FRMD3: variants seen among roughly 807,000 people sequenced by gnomAD.
FRMD3 encodes FERM domain-containing protein 3.
In FRMD3, 33 loss-of-function variants were observed where a neutral mutation model predicts 70.2. That is an observed-to-expected ratio of 0.47 (90% CI 0.36 to 0.63). The LOEUF (loss-of-function observed/expected upper bound fraction) is 0.63. Among genes scored for constraint, FRMD3 ranks in the 20% least tolerant of loss-of-function variants. The pLI is 0.00. For synonymous variants in FRMD3, 279 were observed against 255.9 expected (o/e 1.09, Z -0.86); for missense variants, 632 against 711.4 (o/e 0.89, Z 1.27).
rs547620876 is a variant in FRMD3, at chr9:83,272,278, T to G, written c.1195+18325A>C. Among the ~76,000 whole-genome samples, 7 of 150,138 alleles carry G rather than the reference T, an allele frequency of 4.7e-5. 1 individual carries two copies. The highest frequency in any genetic ancestry group is 7.3e-5 in the African/African-American group (3 of 41,116). ...GCCGCCACGCCTGACTGGTTTTCGT[T>G]TTTTTTTTTGGTGGAGACGGGGTTT... is the stretch of plus-strand genomic sequence containing the variant. On this transcript the variant is annotated intron_variant, in intron 13 of 13. Coordinates refer to ENST00000304195, the MANE Select transcript of FRMD3 (RefSeq NM_174938.6).
chr9:83,320,810 T>C (rs1048837120), intron 6 of FRMD3, among the ~76,000 whole-genome samples: 1 of 152,028 alleles, frequency 6.6e-6, no homozygotes, highest in Admixed American at 6.6e-5. Flanking sequence ...CCTGGATGGA[T>C]GTTGTTTTGT....
chr9:83,470,110 A>C (rs1218373709), intron 1 of FRMD3, among the ~76,000 whole-genome samples: 1 of 150,520 alleles, frequency 6.6e-6, no homozygotes, highest in Non-Finnish European at 1.5e-5. Context: ...AATTTAAAAG[A>C]ATTTTTTTTA....
intron 1 of FRMD3, among the ~76,000 whole-genome samples, chr9:83,412,625 C>T (rs753214210): frequency 6.6e-6 from 1 of 152,176 alleles, no homozygotes; most frequent in Non-Finnish European, 1.5e-5. Flanking sequence ...CGGCTTTTGC[C>T]GCAACCAACC....
chr9:83,274,923 G>A (rs1248621941), intron 13 of FRMD3, among the ~76,000 whole-genome samples: 2 of 152,246 alleles, frequency 1.3e-5, no homozygotes, highest in Non-Finnish European at 2.9e-5. Context: ...TGGTGTCTCA[G>A]TAGACGTGGA....
At chr9:83,297,778 G>A (rs752124123) in intron 12 of FRMD3, 1 of 471,798 alleles carries the variant, frequency 2.1e-6, no homozygotes, top group South Asian at 1.5e-5. Context: ...TCCTCACCAA[G>A]TCACCCCAAA....
At chr9:83,277,189 TATTC>T (rs1442193686) in intron 13 of FRMD3, among the ~76,000 whole-genome samples, 2 of 152,232 alleles carry the variant, frequency 1.3e-5, no homozygotes, top group Non-Finnish European at 2.9e-5. Context: ...TAATGGGAAA[TATTC>T]ATGTGAAATG....
At chr9:83,272,865 G>A (rs1160401973) in intron 13 of FRMD3, among the ~76,000 whole-genome samples, 4 of 143,720 alleles carry the variant, frequency 2.8e-5, no homozygotes, top group East Asian at 2.0e-4. Flanking sequence ...GTCTCTGCCC[G>A]GCCACCCCGT....
the FRMD3 span, among the ~76,000 whole-genome samples, chr9:83,550,974 C>A: frequency 6.6e-6 from 1 of 152,106 alleles, no homozygotes; most frequent in Middle Eastern, 3.2e-3. Flanking sequence ...TTATTTCTTT[C>A]TCTTGCCTGA....
Position 83,247,708 on chromosome 9 carries a change from A to G in FRMD3, c.*210T>C, listed in dbSNP as rs1019534233. The stretch of plus-strand genomic sequence containing the variant: ...ACATATTTTTGGTTATTTAAAGACC[A>G]TCTTCCTAACCTGTAACTAAAATAA... On this transcript the variant is annotated 3_prime_UTR_variant, in exon 14 of 14. Transcript: ENST00000304195. The G allele has an allele frequency of 3.6e-6, 5 of 1,391,502 alleles. No homozygotes were observed. In the African/African-American group the frequency reaches 4.3e-5, roughly 12 times the overall value. 86.2% of individuals were successfully genotyped at this position (1,391,502 alleles called of 1,614,324 possible).
intron 1 of FRMD3, among the ~76,000 whole-genome samples, chr9:83,477,756 A>G (rs1358017341): frequency 1.3e-5 from 2 of 152,206 alleles, no homozygotes; most frequent in African/African-American, 4.8e-5. Flanking sequence ...TAATTGACTA[A>G]TTGACTGAAT....
chr9:83,552,106 T>C, the FRMD3 span, among the ~76,000 whole-genome samples: 1 of 152,202 alleles, frequency 6.6e-6, no homozygotes, highest in Non-Finnish European at 1.5e-5. Flanking sequence ...ATTTTGGACA[T>C]TTAGTGCTGT....
At chr9:83,344,804 TGTGCATGC>T (rs1374502689) in intron 4 of FRMD3, among the ~76,000 whole-genome samples, 1 of 144,744 alleles carries the variant, frequency 6.9e-6, no homozygotes, top group Non-Finnish European at 1.5e-5. Context: ...AAAGGGTGTG[TGTGCATGC>T]GTGCATGTGT....
At position 83,309,528 on chromosome 9, in the gene FRMD3, C is replaced by T. The variant is rs1159832671; in HGVS notation, c.926+8G>A. 6.5e-6 allele frequency: 10 copies of T among 1,549,376 alleles called. No individual in the cohort carries two copies. Among genetic ancestry groups the T allele is most frequent in the Non-Finnish European group, 8.8e-6 (10 of 1,139,038 alleles). ...AAAGCTATAATTAAATGAATAAAAG[C>T]CACTTACTTATAAAAGGCCTGGTTT... is the stretch of plus-strand genomic sequence containing the variant. On this transcript the variant is annotated splice_region_variant and intron_variant, in intron 10 of 13. Coordinates refer to ENST00000304195, the MANE Select transcript of FRMD3 (RefSeq NM_174938.6).
Position 83,537,411 on chromosome 9 carries a change from G to A in FRMD3, c.147+674C>T, listed in dbSNP as rs961750099. On this transcript the variant is annotated intron_variant, in intron 1 of 13. Transcript: ENST00000304195. This position sits in a 1 kb window ranked among gnomAD's most constrained non-coding sequence, Gnocchi z 4.1. ...CCTCACAATCCCTTTTCCTTTCTCC[G>A]AAACACTCAGACTTCACACATTCCT... 2.6e-5 allele frequency among the ~76,000 whole-genome samples: 4 copies of A among 152,144 alleles called. No individual in the cohort carries two copies. The highest frequency in any genetic ancestry group is 5.9e-5 in the Non-Finnish European group (4 of 68,032).
At chr9:83,450,828 C>T (rs1332150729) in intron 1 of FRMD3, among the ~76,000 whole-genome samples, 4 of 152,198 alleles carry the variant, frequency 2.6e-5, no homozygotes, top group Admixed American at 6.5e-5. Flanking sequence ...CGAGGGCCTG[C>T]ACTCACGGAG....
chr9:83,452,696 A>G (rs1041346264), intron 1 of FRMD3, among the ~76,000 whole-genome samples: 1 of 151,778 alleles, frequency 6.6e-6, no homozygotes, highest in African/African-American at 2.4e-5. Context: ...GTTAGCCAGG[A>G]TGGTCTCCAT....
At chr9:83,546,404 C>T in the FRMD3 span, among the ~76,000 whole-genome samples, 13 of 152,036 alleles carry the variant, frequency 8.6e-5, no homozygotes, top group Admixed American at 8.5e-4. Context: ...ATTCTATATC[C>T]TGCAAAATTA....
Position 83,343,234 on chromosome 9 carries a change from C to T in FRMD3, c.428G>A (p.Cys143Tyr). The stretch of plus-strand genomic sequence containing the variant: ...CAGGTAGGCAGCATCAGAAAAGGAG[C>T]ACAGCAGGCGGCCATGAAAAATGTC... ...KRDIFHGRLL[C>Y]SFSDAAYLGA... The change falls in exon 5 of 14, where the codon TGC (cysteine) becomes TAC (tyrosine). Residue 143 changes from cysteine to tyrosine, a missense_variant. Transcript: ENST00000304195. 1 of 1,614,020 alleles carries T rather than the reference C, an allele frequency of 6.2e-7. No individual in the cohort carries two copies. Among genetic ancestry groups the T allele is most frequent in the Non-Finnish European group, 8.5e-7 (1 of 1,179,954 alleles).
the FRMD3 span, among the ~76,000 whole-genome samples, chr9:83,566,179 G>A: frequency 2.0e-5 from 3 of 152,166 alleles, no homozygotes; most frequent in African/African-American, 7.2e-5. Flanking sequence ...GAGGTGAAAG[G>A]CCCTTCTTAC....
Sources: gnomAD v4.1 joint callset for allele counts (sites outside exome capture counted in the v4.1 genomes callset) on GRCh38, gnomAD v4.1.1 for gene constraint, Gnocchi (gnomAD v3.1) non-coding constraint, MANE v1.5 for transcripts, NCBI Gene and HGNC (gene_info 2026-07-23, HGNC 2026-07-21) for gene names.